Variants in ANKEF1 observed in about 807,000 individuals in gnomAD.
ANKEF1 encodes the protein ankyrin repeat and EF-hand domain-containing protein 1.
ANKEF1 carries 43 observed loss-of-function variants against 65.1 expected under a neutral mutation model. The ratio of observed to expected loss-of-function variants is 0.66; its 90% CI spans 0.52 to 0.85. ANKEF1 has a LOEUF of 0.85. Ranked by LOEUF, ANKEF1 falls within the 40% of genes least tolerant of loss-of-function variation. The pLI, the probability that ANKEF1 is intolerant of heterozygous loss-of-function variation, is 0.00. For synonymous variants in ANKEF1, 316 were observed against 341.5 expected (o/e 0.93, Z 0.82); for missense variants, 934 against 952.9 (o/e 0.98, Z 0.26).
At chr20:10,051,098 T>G (rs1984833651) in intron 7 of ANKEF1, among the ~76,000 whole-genome samples, 1 of 152,098 alleles carries the variant, frequency 6.6e-6, no homozygotes, top group Non-Finnish European at 1.5e-5. Context: ...TGCCACAAGA[T>G]TAGTTGAAGA....
intron 7 of ANKEF1, among the ~76,000 whole-genome samples, 196 bp downstream of exon 7, chr20:10,050,408 A>G (rs1984791099): frequency 6.6e-6 from 1 of 152,226 alleles, no homozygotes; most frequent in East Asian, 1.9e-4. Context: ...AGAATGCTTT[A>G]TTAAAAATGC....
chr20:10,042,931 T>A (rs1984276052), intron 3 of ANKEF1, among the ~76,000 whole-genome samples, 191 bp from the exon 4 acceptor site: 1 of 152,228 alleles, frequency 6.6e-6, no homozygotes, highest in African/African-American at 2.4e-5. Flanking sequence ...TGTGACTGTT[T>A]TCTAACGATG....
chr20:10,037,564 G>C (rs945512827), intron 2 of ANKEF1, among the ~76,000 whole-genome samples: 1 of 152,196 alleles, frequency 6.6e-6, no homozygotes, highest in Non-Finnish European at 1.5e-5. Context: ...ACCCGGATAG[G>C]ATTCCCTATG....
intron 6 of ANKEF1, among the ~76,000 whole-genome samples, chr20:10,047,542 C>T (rs1310066292): frequency 6.6e-6 from 1 of 152,196 alleles, no homozygotes; most frequent in African/African-American, 2.4e-5. Context: ...GGATTCATTT[C>T]TCACATTTCC....
intron 8 of ANKEF1, among the ~76,000 whole-genome samples, 172 bp downstream of exon 8, chr20:10,052,061 C>T (rs1465358673): frequency 6.6e-6 from 1 of 152,046 alleles, no homozygotes; most frequent in African/African-American, 2.4e-5. Context: ...TGCTTCTCCA[C>T]TCATTGGTGT....
chr20:10,039,065 A>G (rs1984029458), intron 3 of ANKEF1, among the ~76,000 whole-genome samples: 1 of 152,254 alleles, frequency 6.6e-6, no homozygotes, highest in African/African-American at 2.4e-5. Flanking sequence ...CCCCCTCAAT[A>G]GCAGTCTGAT....
rs146986183 is a variant in ANKEF1, at chr20:10,051,833, A to T, written c.1814A>T (p.Asp605Val). 10 of 1,613,432 alleles carry T rather than the reference A, an allele frequency of 6.2e-6. No homozygotes were observed. The African/African-American group carries it at 1.2e-4, about 19-fold the overall frequency. Residue 605 changes from aspartate (D) to valine (V), a missense_variant, in exon 8 of 11, where the codon GAT becomes GTT. Asp to Val is a radical substitution (Grantham distance 152, BLOSUM62 -3). Coordinates refer to ENST00000378392, the MANE Select transcript of ANKEF1 (RefSeq NM_022096.6). The stretch of plus-strand genomic sequence containing the variant: ...AGAGCCATTGAAAGCTGCAGACTGG[A>T]TACAGTAAAATACCTACTTGATATT... ...LNRAIESCRLDTVKYLLDIGA... is the reference protein window; with the variant it reads ...LNRAIESCRLVTVKYLLDIGA...
chr20:10,051,940 T>C lies in ANKEF1; in HGVS notation c.1870+51T>C, dbSNP rs781077140. ...AGGGTTAGAAAAGGAGAACTTATGT[T>C]AGATTCTAAGCCCCTTCTGATTCTA... is the stretch of plus-strand genomic sequence containing the variant. On this transcript the variant is annotated intron_variant, in intron 8 of 10. Coordinates refer to ENST00000378392, the MANE Select transcript of ANKEF1 (RefSeq NM_022096.6). The C allele has an allele frequency of 7.2e-6, 10 of 1,380,454 alleles. No individual in the cohort carries two copies. The East Asian group carries it at 1.7e-4, about 24-fold the overall frequency. 85.5% of individuals were successfully genotyped at this position (1,380,454 alleles called of 1,614,324 possible). A position where few individuals can be genotyped will look rare whatever the true frequency, so the allele number is the denominator to read the frequency against.
At chr20:10,039,226 C>T (rs1267128126) in intron 3 of ANKEF1, among the ~76,000 whole-genome samples, 1 of 152,184 alleles carries the variant, frequency 6.6e-6, no homozygotes, top group Non-Finnish European at 1.5e-5. Flanking sequence ...CAAACAACTG[C>T]ACTTCCACAC....
chr20:10,055,509 G>T lies in ANKEF1; in HGVS notation c.2180G>T (p.Ser727Ile), dbSNP rs1454107988. The T allele has an allele frequency of 6.2e-7, 1 of 1,613,256 alleles. No individual in the cohort carries two copies. The highest frequency in any genetic ancestry group is 8.5e-7 in the Non-Finnish European group (1 of 1,179,632). The part of the protein sequence containing the change: ...DITFIPRRIW[S>I]PEATTAELIR... ...GCTATTTTTCTTTTTAAGATTTGGA[G>T]TCCTGAAGCCACAACAGCAGAGCTG... The change falls in exon 11 of 11, where the codon AGT becomes ATT. Residue 727 changes from serine to isoleucine, a missense_variant. Transcript: ENST00000378392.
At chr20:10,045,485 T>G in intron 5 of ANKEF1, 89 bp from the exon 6 acceptor site, 1 of 1,310,920 alleles carries the variant, frequency 7.6e-7, no homozygotes, top group Non-Finnish European at 1.1e-6. Context: ...TAATTGATAT[T>G]GTACTGGATA....
At chr20:10,039,443 A>C (rs1349134897) in intron 3 of ANKEF1, among the ~76,000 whole-genome samples, 1 of 152,240 alleles carries the variant, frequency 6.6e-6, no homozygotes, top group Admixed American at 6.5e-5. Context: ...AATGAATCTC[A>C]TTTGATAATG....
In ANKEF1 at chr20:10,056,414, C is replaced by G; in HGVS notation, c.*754C>G. 1 of 151,140 alleles carries G rather than the reference C, an allele frequency of 6.6e-6. No homozygotes were observed. The allele number at this position is 151,140 out of a possible 1,614,324, so 9.4% of individuals were successfully genotyped here. A position where few individuals can be genotyped will look rare whatever the true frequency, so the allele number is the denominator to read the frequency against. The stretch of plus-strand genomic sequence containing the variant: ...CGCAATTACTTTTGCTCCAACCTGA[C>G]AGCTAGGTATCTAGCTAGCTAGAAA... On this transcript the variant is annotated 3_prime_UTR_variant, in exon 11 of 11. Transcript: ENST00000378392.
At position 10,055,517 on chromosome 20, in the gene ANKEF1, G is replaced by T; in HGVS notation, c.2188G>T (p.Ala730Ser). ...TCTTTTTAAGATTTGGAGTCCTGAAGCCACAACAGCAGAGCTGATCAGGAA... is the reference window on the plus strand; with the variant it reads ...TCTTTTTAAGATTTGGAGTCCTGAATCCACAACAGCAGAGCTGATCAGGAA... ...FIPRRIWSPE[A>S]TTAELIRKRE... The change falls in exon 11 of 11, where the codon GCC becomes TCC. Residue 730 changes from alanine to serine, a missense_variant. Physicochemically the swap from Ala to Ser is moderately conservative, Grantham distance 99. Transcript: ENST00000378392. 2 of 1,613,604 alleles carry T rather than the reference G, an allele frequency of 1.2e-6. No homozygotes were observed.
intron 8 of ANKEF1, among the ~76,000 whole-genome samples, chr20:10,052,529 A>G (rs950878199): frequency 6.6e-6 from 1 of 152,206 alleles, no homozygotes. Context: ...CTTGTTTGGA[A>G]GTACCATTTT....
At position 10,049,872 on chromosome 20, in the gene ANKEF1, A is replaced by C. The variant is rs1984746686; in HGVS notation, c.1303A>C (p.Ile435Leu). 3.7e-6 allele frequency: 6 copies of C among 1,614,066 alleles called. No homozygotes were observed. The East Asian group carries it at 1.3e-4, about 36-fold the overall frequency. ...KKGKFVLPLP[I>L]CVIPEYAFPR... is the part of the protein sequence containing the mutation. Reference sequence around the variant, plus strand: ...AGGGAAATTTGTCTTACCCCTTCCAATCTGTGTCATTCCTGAGTACGCGTT... The same window carrying C: ...AGGGAAATTTGTCTTACCCCTTCCACTCTGTGTCATTCCTGAGTACGCGTT... The change falls in exon 7 of 11, where the codon ATC becomes CTC. Residue 435 changes from isoleucine to leucine, a missense_variant. Physicochemically the swap from Ile to Leu is conservative, Grantham distance 5. Transcript: ENST00000378392.
intron 3 of ANKEF1, 24 bp from the exon 4 acceptor site, chr20:10,043,098 T>A: frequency 6.2e-7 from 1 of 1,609,930 alleles, no homozygotes; most frequent in Non-Finnish European, 8.5e-7. Context: ...TTAAATACTC[T>A]CTGGGGATTT....
chr20:10,042,037 C>T (rs960417619), intron 3 of ANKEF1, among the ~76,000 whole-genome samples: 1 of 152,100 alleles, frequency 6.6e-6, no homozygotes, highest in African/African-American at 2.4e-5. Flanking sequence ...CTGGACTTTT[C>T]CCCTTCATGG....
rs1984702120 is a variant in ANKEF1, at chr20:10,049,426, C to T, written c.857C>T (p.Thr286Met). ...AAATGGAAGAATTTAGATCATAAAACGCCCAGGGCTGTGGCTAAGGAAGGC... is the reference window on the plus strand; with the variant it reads ...AAATGGAAGAATTTAGATCATAAAATGCCCAGGGCTGTGGCTAAGGAAGGC... ...DLKWKNLDHK[T>M]PRAVAKEGGF... Residue 286 changes from threonine (T) to methionine (M), a missense_variant, in exon 7 of 11, where the codon ACG (threonine) becomes ATG (methionine). Transcript: ENST00000378392. 4 of 1,611,500 alleles carry T rather than the reference C, an allele frequency of 2.5e-6. No homozygotes were observed. The highest frequency in any genetic ancestry group is 3.4e-6 in the Non-Finnish European group (4 of 1,179,344).
Sources: allele counts gnomAD v4.1 joint callset (sites outside exome capture counted in the v4.1 genomes callset), GRCh38; gene constraint gnomAD v4.1.1; transcripts MANE v1.5; gene names NCBI Gene and HGNC (gene_info 2026-07-23, HGNC 2026-07-21).